Variants in STRBP observed in about 807,000 individuals in gnomAD.
The protein encoded by STRBP is spermatid perinuclear RNA binding protein.
Under a neutral mutation model 80.1 loss-of-function variants are expected in STRBP, and 13 were observed. That is an observed-to-expected ratio of 0.16 (90% CI 0.11 to 0.26). The LOEUF is 0.26. STRBP is among the 10% of genes least tolerant of loss of function. STRBP has a pLI of 1.00. For synonymous variants in STRBP, 284 were observed against 291.2 expected (o/e 0.98, Z 0.25); for missense variants, 485 against 815.2 (o/e 0.59, Z 4.93).
Position 123,179,192 on chromosome 9 carries a change from A to G in STRBP, c.39T>C (p.His13=). ...AGATTGTTGAATGTTTCACCATAAC[A>G]TGGCGATCATCATTAGCAAAAGATC... ...SIRSFANDDR[H]VMVKHSTIYP... is the part of the protein sequence containing the mutation. Residue 13 remains histidine, a synonymous_variant, in exon 4 of 19, where the codon CAT becomes CAC. Coordinates refer to ENST00000348403, the MANE Select transcript of STRBP (RefSeq NM_018387.5). The G allele has an allele frequency of 6.2e-7, 1 of 1,610,086 alleles. No individual in the cohort carries two copies. Among genetic ancestry groups the G allele is most frequent in the Non-Finnish European group, 8.5e-7 (1 of 1,176,488 alleles).
intron 2 of STRBP, among the ~76,000 whole-genome samples, chr9:123,184,874 T>A (rs575296904): frequency 6.6e-6 from 1 of 152,354 alleles, no homozygotes; most frequent in African/African-American, 2.4e-5. Context: ...CTGTATGCAC[T>A]GCTATGCCAG....
chr9:123,116,830 C>G (rs549437077), downstream of STRBP, among the ~76,000 whole-genome samples: 1 of 152,308 alleles, frequency 6.6e-6, no homozygotes, highest in African/African-American at 2.4e-5. Flanking sequence ...GTCACCTTAT[C>G]TAAGCATCTA....
chr9:123,200,000 C>T (rs1286544707), intron 2 of STRBP, among the ~76,000 whole-genome samples: 2 of 152,252 alleles, frequency 1.3e-5, no homozygotes, highest in African/African-American at 2.4e-5. Context: ...GTTGGCTGTG[C>T]GTTAGTCATA....
intron 3 of STRBP, among the ~76,000 whole-genome samples, chr9:123,182,277 C>G (rs1286404975): frequency 8.7e-6 from 1 of 115,394 alleles, no homozygotes; most frequent in African/African-American, 2.9e-5. Context: ...AAGAACCATG[C>G]AGAAAGAGAA....
At chr9:123,202,136 T>C (rs1315697648) in intron 2 of STRBP, among the ~76,000 whole-genome samples, 1 of 152,368 alleles carries the variant, frequency 6.6e-6, no homozygotes, top group Non-Finnish European at 1.5e-5. Flanking sequence ...GGTGAGTTTC[T>C]TGAAGACAGC....
chr9:123,151,834 G>A lies in STRBP; in HGVS notation c.1046-3964C>T, dbSNP rs562149579. Among the ~76,000 whole-genome samples the A allele has an allele frequency of 2.6e-5, 4 of 152,090 alleles. No homozygotes were observed. The East Asian group carries it at 7.7e-4, about 29-fold the overall frequency. ...GGAAGGAAAACTACAGAAAAGAGCAGAAACCAATAAAACAGAATACAAACA... is the reference window on the plus strand; with the variant it reads ...GGAAGGAAAACTACAGAAAAGAGCAAAAACCAATAAAACAGAATACAAACA... On this transcript the variant is annotated intron_variant, in intron 11 of 18. Transcript: ENST00000348403.
chr9:123,245,380 T>G lies in STRBP; in HGVS notation c.-301-8414A>C, dbSNP rs574325635. Among the ~76,000 whole-genome samples, 6 of 152,284 alleles carry G rather than the reference T, an allele frequency of 3.9e-5. No individual in the cohort carries two copies. In the South Asian group the frequency reaches 8.3e-4, roughly 21 times the overall value. On this transcript the variant is annotated intron_variant, in intron 1 of 18. Transcript: ENST00000348403. ...AATCCAAGCATCTGTATTTCTTTTT[T>G]TTGTTGTTTTTGTTTGTTTGTTTGT... is the stretch of plus-strand genomic sequence containing the variant.
intron 2 of STRBP, among the ~76,000 whole-genome samples, chr9:123,231,323 T>C (rs2040392679): frequency 6.6e-6 from 1 of 152,238 alleles, no homozygotes; most frequent in Admixed American, 6.5e-5. Context: ...TGACTCCAAA[T>C]ATAAAAGTCC....
intron 3 of STRBP, among the ~76,000 whole-genome samples, chr9:123,181,412 T>A (rs2038452583): frequency 6.6e-6 from 1 of 152,184 alleles, no homozygotes; most frequent in East Asian, 1.9e-4. Context: ...ACATTTGTCA[T>A]TTATCACACA....
intron 1 of STRBP, among the ~76,000 whole-genome samples, chr9:123,248,494 A>G (rs1485243692): frequency 6.6e-6 from 1 of 151,190 alleles, no homozygotes; most frequent in South Asian, 2.1e-4. Context: ...CTGGTCTCGA[A>G]CTCCTGACCT....
At position 123,122,989 on chromosome 9, in the gene STRBP, G is replaced by C. The variant is rs1367874408; in HGVS notation, c.*2608C>G. 5.1e-6 allele frequency: 5 copies of C among 985,332 alleles called. No individual in the cohort carries two copies. The highest frequency in any genetic ancestry group is 6.0e-6 in the Non-Finnish European group (5 of 829,944). 61.0% of individuals were successfully genotyped at this position (985,332 alleles called of 1,614,324 possible). On this transcript the variant is annotated 3_prime_UTR_variant, in exon 19 of 19. Coordinates refer to ENST00000348403, the MANE Select transcript of STRBP (RefSeq NM_018387.5). ...ACAAAGTATTGCTCTTCTTTAAAAT[G>C]ATCAGTCATTGCTTTCAAAAAGAGG... is the stretch of plus-strand genomic sequence containing the variant.
chr9:123,115,921 A>C lies in STRBP; in HGVS notation c.*84+8T>G. On this transcript the variant is annotated splice_region_variant and intron_variant and NMD_transcript_variant, in intron 3 of 3. Transcript: ENST00000471564. This position sits in a 1 kb window ranked among gnomAD's most constrained non-coding sequence, Gnocchi z 5.0. ...ATACAACAAATAAATATAATCCCTT[A>C]AAAATACCTGGCAGGAGTGCCCACG... is the stretch of plus-strand genomic sequence containing the variant. 1 of 432,834 alleles carries C rather than the reference A, an allele frequency of 2.3e-6. No individual in the cohort carries two copies. The highest frequency in any genetic ancestry group is 1.6e-5 in the South Asian group (1 of 60,990). 26.8% of individuals were successfully genotyped at this position (432,834 alleles called of 1,614,324 possible).
intron 1 of STRBP, among the ~76,000 whole-genome samples, chr9:123,258,788 G>A (rs914323068): frequency 3.7e-5 from 5 of 134,036 alleles, no homozygotes; most frequent in African/African-American, 9.1e-5. Context: ...GTGACAGAGC[G>A]AGACTCCGTC....
chr9:123,252,623 G>A (rs1446079382), intron 1 of STRBP, among the ~76,000 whole-genome samples: 1 of 152,174 alleles, frequency 6.6e-6, no homozygotes, highest in Admixed American at 6.5e-5. Flanking sequence ...ATTAGCGAAA[G>A]TCACAAGGTC....
At chr9:123,127,218 G>A (rs1450983799) in intron 18 of STRBP, among the ~76,000 whole-genome samples, 2 of 152,224 alleles carry the variant, frequency 1.3e-5, no homozygotes, top group Non-Finnish European at 2.9e-5. Flanking sequence ...GTTCAGTTCA[G>A]CAGTGTTTTA....
In STRBP at chr9:123,136,209, T is replaced by C. The variant is rs572418357; in HGVS notation, c.1633-28A>G. ...ACAATCAAGAATAACACCTTGCAATTATCCCATGCAATTCCTCTATGTCCT... is the reference window on the plus strand; with the variant it reads ...ACAATCAAGAATAACACCTTGCAATCATCCCATGCAATTCCTCTATGTCCT... On this transcript the variant is annotated intron_variant, in intron 15 of 18. Transcript: ENST00000348403. The surrounding 1 kb of genome is among the most constrained non-coding windows in gnomAD (Gnocchi z 4.2). The C allele has an allele frequency of 6.2e-7, 1 of 1,613,368 alleles. No homozygotes were observed. Among genetic ancestry groups the C allele is most frequent in the South Asian group, 1.1e-5 (1 of 91,026 alleles).
chr9:123,204,987 G>C (rs1291460648), intron 2 of STRBP, among the ~76,000 whole-genome samples: 1 of 148,694 alleles, frequency 6.7e-6, no homozygotes, highest in Non-Finnish European at 1.5e-5. Flanking sequence ...TATTCGGCCA[G>C]GCACGGTAGC....
intron 3 of STRBP, among the ~76,000 whole-genome samples, chr9:123,181,670 C>T (rs2038462194): frequency 6.6e-6 from 1 of 151,868 alleles, no homozygotes; most frequent in Non-Finnish European, 1.5e-5. Flanking sequence ...GTGGTTGGTG[C>T]ATGCCTGTAA....
intron 13 of STRBP, 40 bp downstream of exon 13, chr9:123,146,815 T>C: frequency 6.6e-7 from 1 of 1,517,598 alleles, no homozygotes; most frequent in South Asian, 1.3e-5. Context: ...ATTTGGAACA[T>C]AAAATAAGAA....
Sources: gnomAD v4.1 joint callset for allele counts (sites outside exome capture counted in the v4.1 genomes callset) on GRCh38, gnomAD v4.1.1 for gene constraint, Gnocchi (gnomAD v3.1) non-coding constraint, MANE v1.5 for transcripts, NCBI Gene and HGNC (gene_info 2026-07-23, HGNC 2026-07-21) for gene names.